ATP13A4: variants seen among roughly 807,000 people sequenced by gnomAD.
The protein encoded by ATP13A4 is ATPase 13A4, also known as probable cation-transporting ATPase 13A4.
Under a neutral mutation model 142.5 loss-of-function variants are expected in ATP13A4, and 114 were observed. The ratio of observed to expected loss-of-function variants is 0.80; its 90% CI spans 0.69 to 0.93. The LOEUF (loss-of-function observed/expected upper bound fraction) is 0.93. ATP13A4 is among the 40% of genes least tolerant of loss of function. ATP13A4 has a pLI of 0.00. For synonymous variants in ATP13A4, 488 were observed against 514.8 expected (o/e 0.95, Z 0.70); for missense variants, 1,392 against 1,454.0 (o/e 0.96, Z 0.69).
At chr3:193,493,241 G>T in intron 3 of ATP13A4, 81 bp from the exon 4 acceptor site, 2 of 1,188,806 alleles carry the variant, frequency 1.7e-6, no homozygotes, top group South Asian at 1.3e-5. Flanking sequence ...AGAAGCATTT[G>T]TTTGAAAAGC....
At chr3:193,572,501 T>C (rs777855948) in intron 2 of ATP13A4, among the ~76,000 whole-genome samples, 2 of 152,216 alleles carry the variant, frequency 1.3e-5, no homozygotes, top group Admixed American at 6.5e-5. Flanking sequence ...TCTAGATGGA[T>C]GGTATGAACC....
rs1284081367 is a variant in ATP13A4, at chr3:193,401,268, GT to G, written c.*1383del. 1.3e-5 allele frequency among the ~76,000 whole-genome samples: 2 copies of G among 152,154 alleles called. No homozygotes were observed. The highest frequency in any genetic ancestry group is 2.4e-5 in the African/African-American group (1 of 41,454). On this transcript the variant is annotated 3_prime_UTR_variant, in exon 30 of 30. Transcript: ENST00000342695. ...TATGTAGGTGTGCTCCTAGAGTTCA[GT>G]GTTGTCTCCTGAGGTAACAGAAACC...
rs142149470 is a variant in ATP13A4 at position 193,552,074 on chromosome 3, C to T, written c.60+2666G>A. Reference sequence around the variant, plus strand: ...CTGCAACCTCTGCCTCCCAGGTTCACGCCATACTCCTGCCTCAGCCTCCCA... The same window carrying T: ...CTGCAACCTCTGCCTCCCAGGTTCATGCCATACTCCTGCCTCAGCCTCCCA... On this transcript the variant is annotated intron_variant, in intron 1 of 29. Transcript: ENST00000342695. 5.4e-3 allele frequency among the ~76,000 whole-genome samples: 829 copies of T among 152,186 alleles called. 13 individuals carry two copies. The highest frequency in any genetic ancestry group is 0.019 in the African/African-American group (780 of 41,546).
chr3:193,556,614 G>T, upstream of ATP13A4, among the ~76,000 whole-genome samples: 1 of 151,750 alleles, frequency 6.6e-6, no homozygotes, highest in East Asian at 1.9e-4. Context: ...AATATAAGGA[G>T]TAAAGGGTTT....
chr3:193,496,797 CATAAATAA>C (rs4019217), intron 3 of ATP13A4, among the ~76,000 whole-genome samples: 6,616 of 145,616 alleles, frequency 0.045, 156 homozygotes, highest in African/African-American at 0.06. Context: ...TCTCAAAATA[CATAAATAA>C]ATAAATAAAT....
chr3:193,435,473 G>T (rs1716212841), intron 24 of ATP13A4, among the ~76,000 whole-genome samples, 175 bp downstream of exon 24: 1 of 152,094 alleles, frequency 6.6e-6, no homozygotes, highest in African/African-American at 2.4e-5. Flanking sequence ...AACTTTTCCT[G>T]TACAAATCTG....
chr3:193,476,044 A>C (rs1167359397), intron 8 of ATP13A4, among the ~76,000 whole-genome samples: 1 of 152,074 alleles, frequency 6.6e-6, no homozygotes, highest in Non-Finnish European at 1.5e-5. Flanking sequence ...ATAGTGCTAA[A>C]CTTGAATTGG....
chr3:193,440,584 A>G lies in ATP13A4; in HGVS notation c.2493T>C (p.Ser831=). The G allele has an allele frequency of 1.2e-6, 2 of 1,614,028 alleles. No individual in the cohort carries two copies. Among genetic ancestry groups the G allele is most frequent in the Non-Finnish European group, 1.7e-6 (2 of 1,179,902 alleles). The change falls in exon 21 of 30, where the codon AGT becomes AGC. Residue 831 remains serine, a synonymous_variant. Transcript: ENST00000342695. Reference sequence around the variant, plus strand: ...CCAGTTTCTGAAATTCTTCCACCAGACTGGACTTCTGCCCAGGAGACATTC... The same window carrying G: ...CCAGTTTCTGAAATTCTTCCACCAGGCTGGACTTCTGCCCAGGAGACATTC... ...FARMSPGQKS[S]LVEEFQKLDY... is the part of the protein sequence containing the mutation.
intron 1 of ATP13A4, among the ~76,000 whole-genome samples, chr3:193,585,592 C>T (rs1331588844): frequency 1.3e-5 from 2 of 152,006 alleles, no homozygotes; most frequent in East Asian, 1.9e-4. Flanking sequence ...AAATTGGACA[C>T]CCCTGTTCTA....
At chr3:193,587,850 A>C (rs1424906523) in intron 1 of ATP13A4, among the ~76,000 whole-genome samples, 2 of 152,188 alleles carry the variant, frequency 1.3e-5, no homozygotes, top group African/African-American at 4.8e-5. Flanking sequence ...ATAATCCCAA[A>C]AATATGGCTT....
chr3:193,576,174 C>T (rs967020220), intron 2 of ATP13A4, among the ~76,000 whole-genome samples: 1 of 151,670 alleles, frequency 6.6e-6, no homozygotes, highest in South Asian at 2.1e-4. Context: ...GAGCCTAAGC[C>T]CCCTGCAGAA....
At chr3:193,456,176 G>C (rs1717598010) in intron 16 of ATP13A4, among the ~76,000 whole-genome samples, 1 of 151,910 alleles carries the variant, frequency 6.6e-6, no homozygotes, top group Non-Finnish European at 1.5e-5. Flanking sequence ...TTAAAATATA[G>C]GTTAAAAAAA....
Position 193,399,805 on chromosome 3 carries a change from C to T in ATP13A4, c.*2847G>A, listed in dbSNP as rs13434016. Among the ~76,000 whole-genome samples the T allele has an allele frequency of 2.4e-3, 312 of 130,498 alleles. 2 individuals are homozygous for T. The highest frequency in any genetic ancestry group is 4.3e-3 in the Admixed American group (47 of 10,894). The allele number at this position is 130,498 out of a possible 152,430, so 85.6% of individuals were successfully genotyped here. A position where few individuals can be genotyped will look rare whatever the true frequency, so the allele number is the denominator to read the frequency against. ...AGCTGGCAGTGAGCCGAGATTGTGC[C>T]ACTGCACTCTAGCCTGGGCAACAGA... On this transcript the variant is annotated 3_prime_UTR_variant, in exon 30 of 30. Coordinates refer to ENST00000342695, the MANE Select transcript of ATP13A4 (RefSeq NM_032279.4).
chr3:193,497,047 C>T (rs1010661274), intron 3 of ATP13A4, among the ~76,000 whole-genome samples: 1 of 151,872 alleles, frequency 6.6e-6, no homozygotes, highest in Non-Finnish European at 1.5e-5. Flanking sequence ...GTGCAAGCTA[C>T]CCCAAAACAA....
intron 3 of ATP13A4, among the ~76,000 whole-genome samples, chr3:193,497,835 G>A (rs188354570): frequency 7.9e-4 from 121 of 152,226 alleles, no homozygotes; most frequent in African/African-American, 2.8e-3. Flanking sequence ...AATACTGTAG[G>A]ATCTTACTCA....
chr3:193,415,117 C>T (rs551136618), intron 25 of ATP13A4, among the ~76,000 whole-genome samples: 93 of 151,976 alleles, frequency 6.1e-4, no homozygotes, highest in Non-Finnish European at 1.2e-3. Flanking sequence ...TCATAACTTT[C>T]GACATAGTTA....
At chr3:193,522,338 A>G (rs968832098) in intron 1 of ATP13A4, among the ~76,000 whole-genome samples, 5 of 152,202 alleles carry the variant, frequency 3.3e-5, no homozygotes, top group African/African-American at 1.2e-4. Flanking sequence ...GAAAACTTAC[A>G]TTTTATGTAA....
At chr3:193,454,809 A>G (rs760831527) in intron 16 of ATP13A4, among the ~76,000 whole-genome samples, 1 of 152,218 alleles carries the variant, frequency 6.6e-6, no homozygotes, top group Non-Finnish European at 1.5e-5. Context: ...ACAGGCAAAG[A>G]TTTCATGACA....
At chr3:193,499,490 C>T (rs1720419948) in intron 3 of ATP13A4, among the ~76,000 whole-genome samples, 1 of 152,162 alleles carries the variant, frequency 6.6e-6, no homozygotes, top group African/African-American at 2.4e-5. Flanking sequence ...TTCCATCATC[C>T]TGTGGTAGGG....
Sources: allele counts gnomAD v4.1 joint callset (sites outside exome capture counted in the v4.1 genomes callset), GRCh38; gene constraint gnomAD v4.1.1; transcripts MANE v1.5; gene names NCBI Gene and HGNC (gene_info 2026-07-23, HGNC 2026-07-21).